Variants in RAP1GAP2 observed in about 807,000 individuals in gnomAD.
RAP1GAP2 encodes the protein rap1 GTPase-activating protein 2.
A neutral mutation model predicts 95.0 loss-of-function variants in RAP1GAP2; 27 were observed. That is an observed-to-expected ratio of 0.28 (90% CI 0.21 to 0.39). The LOEUF (loss-of-function observed/expected upper bound fraction) is 0.39, where lower values mean the gene tolerates loss of function less well. Ranked by LOEUF, RAP1GAP2 falls within the 10% of genes least tolerant of loss-of-function variation. RAP1GAP2 has a pLI of 1.00. For synonymous variants in RAP1GAP2, 373 were observed against 380.9 expected (o/e 0.98, Z 0.24); for missense variants, 771 against 970.0 (o/e 0.79, Z 2.72).
chr17:2,812,750 G>T (rs576009376), intron 2 of RAP1GAP2, among the ~76,000 whole-genome samples: 1 of 152,086 alleles, frequency 6.6e-6, no homozygotes, highest in Admixed American at 6.6e-5. Flanking sequence ...AGCATTTTGG[G>T]AGGCCGAGGT....
intron 8 of RAP1GAP2, among the ~76,000 whole-genome samples, chr17:2,972,930 G>A (rs1252167367): frequency 6.6e-6 from 1 of 152,166 alleles, no homozygotes; most frequent in Non-Finnish European, 1.5e-5. Flanking sequence ...CAGTCCAAAT[G>A]CACTGCGTTT....
intron 3 of RAP1GAP2, among the ~76,000 whole-genome samples, chr17:2,928,515 G>A (rs909277377): frequency 1.1e-4 from 17 of 152,126 alleles, no homozygotes; most frequent in Admixed American, 7.9e-4. Context: ...CTTCTGCTCA[G>A]ATGAGCAGCA....
At chr17:2,900,222 C>T (rs78520156) in intron 2 of RAP1GAP2, among the ~76,000 whole-genome samples, 5,903 of 152,188 alleles carry the variant, frequency 0.039, 286 homozygotes, top group African/African-American at 0.12. Context: ...TATTAACCAA[C>T]GGTTATGATC....
At chr17:2,973,070 G>A (rs542774283) in intron 8 of RAP1GAP2, among the ~76,000 whole-genome samples, 255 of 152,282 alleles carry the variant, frequency 1.7e-3, no homozygotes, top group African/African-American at 5.0e-3. Context: ...TGGAGGGTGT[G>A]TCTGAGTGTG....
chr17:2,836,353 C>T (rs544801433), intron 2 of RAP1GAP2, among the ~76,000 whole-genome samples: 6 of 152,138 alleles, frequency 3.9e-5, no homozygotes, highest in Admixed American at 6.6e-5. Context: ...TGGCTTTGGC[C>T]GGGTGCAGTG....
intron 2 of RAP1GAP2, among the ~76,000 whole-genome samples, chr17:2,893,099 C>G (rs910198013): frequency 3.3e-5 from 5 of 151,966 alleles, no homozygotes; most frequent in African/African-American, 1.2e-4. Flanking sequence ...GTGATCTTGG[C>G]TCACTGCAAC....
At chr17:2,962,270 T>C in intron 4 of RAP1GAP2, 1 of 218,264 alleles carries the variant, frequency 4.6e-6, no homozygotes, top group Non-Finnish European at 9.0e-6. Context: ...CAGCATTTAT[T>C]ATATACCAGT....
chr17:2,818,041 T>G (rs189258005), intron 2 of RAP1GAP2, among the ~76,000 whole-genome samples: 17 of 151,870 alleles, frequency 1.1e-4, no homozygotes, highest in Non-Finnish European at 2.2e-4. Context: ...TTTCACTGTG[T>G]TAGCCAGGAT....
intron 2 of RAP1GAP2, among the ~76,000 whole-genome samples, chr17:2,833,245 C>T (rs1374196172): frequency 6.7e-6 from 1 of 150,028 alleles, no homozygotes; most frequent in Non-Finnish European, 1.5e-5. Context: ...TGGGTTCAAG[C>T]GATTCTCCTG....
chr17:2,853,329 TC>T (rs1478009354), intron 2 of RAP1GAP2, among the ~76,000 whole-genome samples: 1 of 150,966 alleles, frequency 6.6e-6, no homozygotes, highest in Non-Finnish European at 1.5e-5. Flanking sequence ...GCGGGCAGTT[TC>T]GTTTGGACGG....
intron 2 of RAP1GAP2, among the ~76,000 whole-genome samples, chr17:2,872,104 C>T (rs1477310514): frequency 1.3e-5 from 2 of 149,912 alleles, no homozygotes; most frequent in African/African-American, 4.9e-5. Context: ...ATCCCAGCTA[C>T]TCGGGAGGCT....
chr17:2,868,958 G>A (rs2072730586), intron 2 of RAP1GAP2, among the ~76,000 whole-genome samples: 2 of 152,170 alleles, frequency 1.3e-5, no homozygotes, highest in Admixed American at 1.3e-4. Flanking sequence ...GGTACTGGCA[G>A]ATGGGGTGTC....
At chr17:2,794,720 T>C (rs2069020367), upstream of RAP1GAP2, among the ~76,000 whole-genome samples, 2 of 152,092 alleles carry the variant, frequency 1.3e-5, no homozygotes, top group Admixed American at 1.3e-4. Context: ...TAGAAATCCT[T>C]GTACCCTTCG....
chr17:2,922,244 T>C (rs4790386), intron 3 of RAP1GAP2, among the ~76,000 whole-genome samples: 76,693 of 152,034 alleles, frequency 0.5, 21,266 homozygotes, highest in African/African-American at 0.74. Context: ...CGCTAGTCCC[T>C]CAGGCCTTCT....
chr17:3,005,874 C>G lies in RAP1GAP2; in HGVS notation c.1273-81C>G. The G allele has an allele frequency of 1.5e-6, 2 of 1,353,942 alleles. No homozygotes were observed. Among genetic ancestry groups the G allele is most frequent in the Non-Finnish European group, 2.1e-6 (2 of 943,152 alleles). The allele number at this position is 1,353,942 out of a possible 1,614,324, so 83.9% of individuals were successfully genotyped here. ...AGGGGTTCTCCCCATGGCCCCGGCT[C>G]TGCCTGCCTGTCACTGTGGCTGAAG... On this transcript the variant is annotated intron_variant, in intron 15 of 24. Coordinates refer to ENST00000254695, the MANE Select transcript of RAP1GAP2 (RefSeq NM_015085.5). The surrounding 1 kb of genome is among the most constrained non-coding windows in gnomAD (Gnocchi z 5.2).
At chr17:2,762,298 T>C (rs1458811536) in intron 1 of RAP1GAP2, among the ~76,000 whole-genome samples, 2 of 152,048 alleles carry the variant, frequency 1.3e-5, no homozygotes, top group African/African-American at 2.4e-5. Context: ...TCCATTTATA[T>C]ATCCTTTTTA....
intron 4 of RAP1GAP2, among the ~76,000 whole-genome samples, chr17:2,961,365 A>G (rs548829008): frequency 2.0e-5 from 3 of 151,708 alleles, no homozygotes; most frequent in African/African-American, 4.8e-5. Context: ...AAATACAAAC[A>G]TTAGCTGGGC....
Position 2,847,843 on chromosome 17 carries a change from C to T in RAP1GAP2, c.80+47293C>T, listed in dbSNP as rs114276107. Reference sequence around the variant, plus strand: ...CTGATTCTCTGTACTGACTCCTGGGCGGCCTCTATGCAAAATAACACCTCT... The same window carrying T: ...CTGATTCTCTGTACTGACTCCTGGGTGGCCTCTATGCAAAATAACACCTCT... On this transcript the variant is annotated intron_variant, in intron 2 of 24. Transcript: ENST00000254695. Among the ~76,000 whole-genome samples, 254 of 152,188 alleles carry T rather than the reference C, an allele frequency of 1.7e-3. 2 individuals are homozygous for T. The highest frequency in any genetic ancestry group is 5.4e-3 in the South Asian group (26 of 4,814).
Position 2,984,832 on chromosome 17 carries a change from T to C in RAP1GAP2, c.730-151T>C, listed in dbSNP as rs761521043. On this transcript the variant is annotated intron_variant, in intron 10 of 24. Transcript: ENST00000254695. ...GAGCTGCGGCCTGACTGTCTACTTA[T>C]TATTTCTCTCTCTCTCCCTCCGTGT... 6 of 1,416,430 alleles carry C rather than the reference T, an allele frequency of 4.2e-6. No individual in the cohort carries two copies. In the South Asian group the frequency reaches 4.3e-5, roughly 10 times the overall value. The allele number at this position is 1,416,430 out of a possible 1,614,324, so 87.7% of individuals were successfully genotyped here.
Sources: allele counts gnomAD v4.1 joint callset (sites outside exome capture counted in the v4.1 genomes callset), GRCh38; gene constraint gnomAD v4.1.1; non-coding constraint Gnocchi (gnomAD v3.1); transcripts MANE v1.5; gene names NCBI Gene and HGNC (gene_info 2026-07-23, HGNC 2026-07-21).